The following UBR3 variants were observed in gnomAD, a reference collection of about 807,000 sequenced individuals.
UBR3 encodes the protein ubiquitin protein ligase E3 component n-recognin 3.
UBR3 carries 85 observed loss-of-function variants against 243.2 expected under a neutral mutation model. The observed-to-expected ratio is 0.35, with a 90% confidence interval of 0.29 to 0.42. The LOEUF (loss-of-function observed/expected upper bound fraction) is 0.42, where lower values mean the gene tolerates loss of function less well. UBR3 is among the 10% of genes least tolerant of loss of function. The pLI is 1.00. For missense variants in UBR3, 1,686 were observed against 2,300.8 expected, an observed-to-expected ratio of 0.73 and a Z score of 5.47; for synonymous variants, 748 against 799.8, an observed-to-expected ratio of 0.94 and a Z score of 1.09.
rs2082077851 is a variant in UBR3 at position 169,835,998 on chromosome 2, TCTCTCTCTCTCTCTCTCTCTCTCTC to T, written c.545+7947_545+7971del. ...CTGAAATTCCTGTGTGCACTGTCTC[TCTCTCTCTCTCTCTCTCTCTCTCTC>T]TCTCTCTCTCTCTCTCTCTCTATAT... On this transcript the variant is annotated intron_variant, in intron 1 of 38. Coordinates refer to ENST00000272793, the MANE Select transcript of UBR3 (RefSeq NM_172070.4). Among the ~76,000 whole-genome samples, 4 of 32,096 alleles carry T rather than the reference TCTCTCTCTCTCTCTCTCTCTCTCTC, an allele frequency of 1.2e-4. No homozygotes were observed. The Admixed American group carries it at 1.3e-3, about 10-fold the overall frequency. The allele number at this position is 32,096 out of a possible 152,430, so 21.1% of individuals were successfully genotyped here. A position where few individuals can be genotyped will look rare whatever the true frequency, so the allele number is the denominator to read the frequency against.
At chr2:170,019,505 G>A (rs964347792) in intron 30 of UBR3, among the ~76,000 whole-genome samples, 10 of 152,048 alleles carry the variant, frequency 6.6e-5, no homozygotes, top group African/African-American at 2.2e-4. Flanking sequence ...GCAACATAGG[G>A]AGAACCTCAT....
At chr2:169,837,679 C>G (rs1303334074) in intron 1 of UBR3, among the ~76,000 whole-genome samples, 1 of 152,126 alleles carries the variant, frequency 6.6e-6, no homozygotes, top group Non-Finnish European at 1.5e-5. Flanking sequence ...CTCGTGAGAA[C>G]TCACTCACTA....
chr2:169,939,302 A>C (rs557972940), intron 19 of UBR3, among the ~76,000 whole-genome samples: 1,540 of 148,970 alleles, frequency 0.01, 17 homozygotes, highest in Non-Finnish European at 0.016. Context: ...CCTGTTGCCC[A>C]GGCTGGAGTG....
chr2:169,934,686 A>T (rs1269646529), intron 19 of UBR3, among the ~76,000 whole-genome samples: 1 of 152,236 alleles, frequency 6.6e-6, no homozygotes, highest in Non-Finnish European at 1.5e-5. Context: ...TGGTCAGATA[A>T]ATTTAAACTT....
intron 31 of UBR3, among the ~76,000 whole-genome samples, chr2:170,033,577 A>ACCCCCCCC (rs1250645725): frequency 2.5e-5 from 1 of 39,466 alleles, no homozygotes; most frequent in African/African-American, 1.5e-4. Flanking sequence ...GTTTTTCCAC[A>ACCCCCCCC]CCCACCCCCC....
At chr2:169,938,851 A>C (rs1292588509) in intron 19 of UBR3, among the ~76,000 whole-genome samples, 1 of 152,174 alleles carries the variant, frequency 6.6e-6, no homozygotes, top group African/African-American at 2.4e-5. Context: ...GCTGTGAGGT[A>C]GTGGTCCAAC....
At chr2:169,977,146 A>T (rs752458209) in intron 24 of UBR3, among the ~76,000 whole-genome samples, 3 of 152,056 alleles carry the variant, frequency 2.0e-5, no homozygotes, top group Non-Finnish European at 4.4e-5. Flanking sequence ...ATTGAATTAT[A>T]TATCTGTATT....
intron 1 of UBR3, among the ~76,000 whole-genome samples, chr2:169,849,882 G>C (rs2082601287): frequency 2.0e-5 from 3 of 152,162 alleles, no homozygotes; most frequent in African/African-American, 7.2e-5. Context: ...ATGCAGGAGA[G>C]GAAGGAAGCA....
chr2:170,010,214 CTA>C (rs1349723725), intron 29 of UBR3, among the ~76,000 whole-genome samples: 1 of 152,074 alleles, frequency 6.6e-6, no homozygotes, highest in East Asian at 1.9e-4. Flanking sequence ...ATAAAAGACA[CTA>C]TGTGAAAACA....
intron 1 of UBR3, among the ~76,000 whole-genome samples, chr2:169,860,654 C>T (rs920203315): frequency 8.6e-5 from 13 of 151,868 alleles, no homozygotes; most frequent in East Asian, 1.9e-4. Flanking sequence ...TGGTTAAGAA[C>T]GATTGGTATT....
At chr2:170,066,529 A>C (rs1437939678) in intron 35 of UBR3, among the ~76,000 whole-genome samples, 1 of 152,176 alleles carries the variant, frequency 6.6e-6, no homozygotes, top group Non-Finnish European at 1.5e-5. Flanking sequence ...CACCTCCATA[A>C]AACTTGAAGA....
At chr2:169,943,122 A>G (rs1320003728) in intron 20 of UBR3, among the ~76,000 whole-genome samples, 3 of 152,254 alleles carry the variant, frequency 2.0e-5, no homozygotes, top group African/African-American at 7.2e-5. Context: ...TAAACATTTT[A>G]GGAACTAACA....
At chr2:169,849,705 C>G (rs887681540) in intron 1 of UBR3, among the ~76,000 whole-genome samples, 1 of 152,230 alleles carries the variant, frequency 6.6e-6, no homozygotes, top group African/African-American at 2.4e-5. Flanking sequence ...AATGCAGATT[C>G]AGTTGTTTGC....
chr2:169,952,953 G>A (rs951319887), intron 23 of UBR3, among the ~76,000 whole-genome samples: 11 of 152,048 alleles, frequency 7.2e-5, no homozygotes, highest in Non-Finnish European at 1.5e-4. Context: ...TTGTTAATTA[G>A]TGGTCTCTCT....
In UBR3 at chr2:169,874,022, A is replaced by G. The variant is rs185881962; in HGVS notation, c.685+1647A>G. Among the ~76,000 whole-genome samples the G allele has an allele frequency of 3.6e-4, 55 of 152,338 alleles. No homozygotes were observed. The Middle Eastern group carries it at 0.014, about 38-fold the overall frequency. ...GTAGACAACGTAAGTACATAGCTTT[A>G]TAATTATCTGTTATCTGAAAACACG... is the stretch of plus-strand genomic sequence containing the variant. On this transcript the variant is annotated intron_variant, in intron 2 of 38. Transcript: ENST00000272793.
At chr2:170,017,475 T>G (rs1201254638) in intron 30 of UBR3, among the ~76,000 whole-genome samples, 1 of 151,626 alleles carries the variant, frequency 6.6e-6, no homozygotes, top group Non-Finnish European at 1.5e-5. Flanking sequence ...AAACTTTTAA[T>G]AAATTTTGTC....
chr2:169,988,575 T>C (rs2089133693), intron 25 of UBR3, among the ~76,000 whole-genome samples: 1 of 151,808 alleles, frequency 6.6e-6, no homozygotes, highest in African/African-American at 2.4e-5. Context: ...GAAGCCAAGG[T>C]GGGAGGATTG....
At chr2:170,060,026 T>C (rs1309151671) in intron 33 of UBR3, among the ~76,000 whole-genome samples, 1 of 152,192 alleles carries the variant, frequency 6.6e-6, no homozygotes, top group African/African-American at 2.4e-5. Context: ...TGAGGAACTA[T>C]AGAAAGACCA....
chr2:169,872,208 G>A (rs1310845018), intron 1 of UBR3, 28 bp from the exon 2 acceptor site: 3 of 1,436,648 alleles, frequency 2.1e-6, no homozygotes, highest in Middle Eastern at 1.8e-4. Flanking sequence ...AGACATTACT[G>A]TTAATTTTTT....
Sources: gnomAD v4.1 joint callset for allele counts (sites outside exome capture counted in the v4.1 genomes callset) on GRCh38, gnomAD v4.1.1 for gene constraint, MANE v1.5 for transcripts, NCBI Gene and HGNC (gene_info 2026-07-23, HGNC 2026-07-21) for gene names.